Variants in ERBB4 observed in about 807,000 individuals in gnomAD.
ERBB4 encodes receptor tyrosine-protein kinase erbB-4.
In ERBB4, 42 loss-of-function variants were observed where a neutral mutation model predicts 158.0. The ratio of observed to expected loss-of-function variants is 0.27; its 90% CI spans 0.21 to 0.34. The LOEUF (loss-of-function observed/expected upper bound fraction) is 0.34. ERBB4 is among the 10% of genes least tolerant of loss of function. The probability of loss-of-function intolerance (pLI) is 1.00; values close to 1 mark genes in which losing one functional copy is unlikely to be tolerated. For synonymous variants in ERBB4, 583 were observed against 558.7 expected, an observed-to-expected ratio of 1.04 and a Z score of -0.61; for missense variants, 1,333 against 1,624.1, an observed-to-expected ratio of 0.82 and a Z score of 3.08.
chr2:211,946,079 A>T (rs1243815841), intron 3 of ERBB4, among the ~76,000 whole-genome samples: 2 of 151,924 alleles, frequency 1.3e-5, no homozygotes, highest in Non-Finnish European at 2.9e-5. Flanking sequence ...TTAGTAAAAA[A>T]ACTCCATTCT....
At chr2:212,462,081 C>CATATACA (rs567107558) in intron 1 of ERBB4, among the ~76,000 whole-genome samples, 2 of 152,044 alleles carry the variant, frequency 1.3e-5, no homozygotes, top group African/African-American at 2.4e-5. Context: ...ATACATCTAC[C>CATATACA]ATATACAATA....
At chr2:211,402,448 G>A (rs891137753) in intron 25 of ERBB4, among the ~76,000 whole-genome samples, 2 of 152,034 alleles carry the variant, frequency 1.3e-5, no homozygotes, top group Admixed American at 6.6e-5. Flanking sequence ...TCAGGTGAAA[G>A]TAATTAAAAG....
At chr2:212,016,580 T>C (rs576379855) in intron 2 of ERBB4, among the ~76,000 whole-genome samples, 82 of 152,322 alleles carry the variant, frequency 5.4e-4, no homozygotes, top group African/African-American at 1.9e-3. Flanking sequence ...TTTATGAATT[T>C]TTAAGTACAA....
intron 17 of ERBB4, among the ~76,000 whole-genome samples, chr2:211,625,594 G>C (rs2125861912): frequency 6.6e-6 from 1 of 152,182 alleles, no homozygotes; most frequent in Admixed American, 6.5e-5. Context: ...CTGCATTCAA[G>C]TCACATTTTA....
intron 1 of ERBB4, among the ~76,000 whole-genome samples, chr2:212,406,136 T>A (rs1431248310): frequency 6.6e-6 from 1 of 152,082 alleles, no homozygotes; most frequent in Non-Finnish European, 1.5e-5. Context: ...CTGATTTTAT[T>A]CCCATAGTAT....
At chr2:211,413,312 ACAC>A (rs746625599) in intron 25 of ERBB4, among the ~76,000 whole-genome samples, 3,578 of 89,884 alleles carry the variant, frequency 0.04, 409 homozygotes, top group African/African-American at 0.071. Flanking sequence ...TCTTAAAAAC[ACAC>A]ACACACACAC....
rs2077889998 is a variant in ERBB4 at position 212,064,835 on chromosome 2, T to C, written c.234+59917A>G. Among the ~76,000 whole-genome samples the C allele has an allele frequency of 2.0e-5, 3 of 152,114 alleles. No homozygotes were observed. The South Asian group carries it at 6.2e-4, about 31-fold the overall frequency. Reference sequence around the variant, plus strand: ...GTATTGAGACCAGAACAAGTAACTATAATTTCTTAATATCAAACATCGTGT... The same window carrying C: ...GTATTGAGACCAGAACAAGTAACTACAATTTCTTAATATCAAACATCGTGT... On this transcript the variant is annotated intron_variant, in intron 2 of 27. Coordinates refer to ENST00000342788, the MANE Select transcript of ERBB4 (RefSeq NM_005235.3).
intron 1 of ERBB4, 53 bp from the exon 2 acceptor site, chr2:212,124,956 G>A (rs947991371): frequency 2.0e-5 from 32 of 1,577,354 alleles, no homozygotes; most frequent in East Asian, 6.7e-5. Context: ...TATGATATGC[G>A]CAATGATAAT....
At chr2:211,828,829 C>T (rs1487443821) in intron 3 of ERBB4, among the ~76,000 whole-genome samples, 2 of 152,104 alleles carry the variant, frequency 1.3e-5, no homozygotes, top group African/African-American at 4.8e-5. Context: ...TCCACCTTTT[C>T]CTTCCTGCCA....
intron 1 of ERBB4, among the ~76,000 whole-genome samples, chr2:212,458,509 G>A (rs1688415520): frequency 6.6e-6 from 1 of 152,084 alleles, no homozygotes; most frequent in Non-Finnish European, 1.5e-5. Flanking sequence ...GATGAGTCTT[G>A]AAAGGCAGAA....
intron 20 of ERBB4, among the ~76,000 whole-genome samples, chr2:211,432,674 A>ATT: frequency 6.6e-6 from 1 of 152,142 alleles, no homozygotes; most frequent in East Asian, 1.9e-4. Flanking sequence ...CCCAAGTAAT[A>ATT]CTATCCCTTT....
At chr2:211,535,584 AGTGT>A (rs33910421) in intron 20 of ERBB4, 28,023 of 144,402 alleles carry the variant, frequency 0.19, 3,114 homozygotes, top group Non-Finnish European at 0.25. Flanking sequence ...AGAGAGAGAG[AGTGT>A]ATGTGTGTGT....
chr2:212,493,362 G>A (rs1440919054), intron 1 of ERBB4, among the ~76,000 whole-genome samples: 4 of 151,308 alleles, frequency 2.6e-5, no homozygotes, highest in Non-Finnish European at 4.4e-5. Context: ...GAAGTGTTAT[G>A]TAGAGATAAT....
At chr2:212,507,862 T>G (rs181527994) in intron 1 of ERBB4, among the ~76,000 whole-genome samples, 1 of 152,166 alleles carries the variant, frequency 6.6e-6, no homozygotes, top group African/African-American at 2.4e-5. Context: ...GGGTTTGAAA[T>G]AATTGATTCC....
chr2:211,540,330 C>T (rs1448751350), intron 20 of ERBB4, among the ~76,000 whole-genome samples: 1 of 151,810 alleles, frequency 6.6e-6, no homozygotes, highest in Non-Finnish European at 1.5e-5. Flanking sequence ...AGTGGCTACC[C>T]TTTAAGAATC....
chr2:212,038,548 T>C (rs542822411), intron 2 of ERBB4, among the ~76,000 whole-genome samples: 7 of 152,288 alleles, frequency 4.6e-5, no homozygotes, highest in African/African-American at 1.4e-4. Context: ...TTTTCTTTTG[T>C]ACTTTGTGTG....
Position 212,538,624 on chromosome 2 carries a change from G to C in ERBB4, c.-94C>G. 7.5e-7 allele frequency: 1 copy of C among 1,328,498 alleles called. No homozygotes were observed. Among genetic ancestry groups the C allele is most frequent in the Non-Finnish European group, 1.1e-6 (1 of 928,194 alleles). The allele number at this position is 1,328,498 out of a possible 1,614,324, so 82.3% of individuals were successfully genotyped here. On this transcript the variant is annotated 5_prime_UTR_variant, in exon 1 of 28. Coordinates refer to ENST00000342788, the MANE Select transcript of ERBB4 (RefSeq NM_005235.3). ...CGGAGGAGATCCCCCAGCCGGGCGC[G>C]CGTGGGGGTGCGAGGGGGGCGGGCG...
intron 1 of ERBB4, among the ~76,000 whole-genome samples, chr2:212,380,270 T>C (rs185001836): frequency 5.7e-4 from 87 of 151,492 alleles, no homozygotes; most frequent in Non-Finnish European, 3.6e-4. Flanking sequence ...GACACTATTC[T>C]ACATCTAATA....
chr2:211,628,839 C>T (rs1330690772), intron 17 of ERBB4, among the ~76,000 whole-genome samples: 1 of 152,090 alleles, frequency 6.6e-6, no homozygotes, highest in Non-Finnish European at 1.5e-5. Flanking sequence ...CTGTTGTTTC[C>T]TGACTTTTTA....
Sources: allele counts gnomAD v4.1 joint callset (sites outside exome capture counted in the v4.1 genomes callset), GRCh38; gene constraint gnomAD v4.1.1; transcripts MANE v1.5; gene names NCBI Gene and HGNC (gene_info 2026-07-23, HGNC 2026-07-21).